Variants in USP35 observed in about 807,000 individuals in gnomAD.
USP35 encodes the protein ubiquitin carboxyl-terminal hydrolase 35.
A neutral mutation model predicts 83.8 loss-of-function variants in USP35; 69 were observed. That is an observed-to-expected ratio of 0.82 (90% CI 0.68 to 1.01). The LOEUF is 1.01. Ranked by LOEUF, USP35 falls within the 50% of genes least tolerant of loss-of-function variation. The pLI, the probability that USP35 is intolerant of heterozygous loss-of-function variation, is 0.00. For missense variants in USP35, 1,503 were observed against 1,362.5 expected (o/e 1.10, Z -1.62); for synonymous variants, 714 against 589.5 (o/e 1.21, Z -3.06).
chr11:78,228,202 T>G, the USP35 span, among the ~76,000 whole-genome samples: 1 of 151,998 alleles, frequency 6.6e-6, no homozygotes, highest in Admixed American at 6.6e-5. Context: ...TTCACAAGAG[T>G]GGTTTTCAAA....
chr11:78,199,295 C>T (rs936641037), intron 3 of USP35: 18 of 343,904 alleles, frequency 5.2e-5, no homozygotes, highest in Non-Finnish European at 8.8e-5. Context: ...CCCTTCCAGG[C>T]AGAAGCAGCT....
chr11:78,203,806 CT>C (rs970095926), intron 6 of USP35, among the ~76,000 whole-genome samples: 13 of 151,082 alleles, frequency 8.6e-5, no homozygotes, highest in African/African-American at 2.9e-4. Context: ...TCTCGATCTT[CT>C]GATCTTGTGA....
At chr11:78,203,135 A>AG (rs1282282403) in intron 6 of USP35, among the ~76,000 whole-genome samples, 44 of 152,134 alleles carry the variant, frequency 2.9e-4, no homozygotes, top group Non-Finnish European at 4.9e-4. Context: ...CAGTAGGGGC[A>AG]GGGAGTTAGG....
At chr11:78,207,504 C>A (rs756448695) in intron 7 of USP35, 26 bp from the exon 8 acceptor site, 1 of 1,612,374 alleles carries the variant, frequency 6.2e-7, no homozygotes, top group Non-Finnish European at 8.5e-7. Flanking sequence ...ATGGCTTACC[C>A]TGGGTGCCCC....
At chr11:78,225,115 G>A in the USP35 span, 2 of 1,610,248 alleles carry the variant, frequency 1.2e-6, no homozygotes, top group South Asian at 2.2e-5. Flanking sequence ...CACCAGGAAA[G>A]AGCCAACTCC....
At chr11:78,210,967 G>T (rs1275387998) in intron 10 of USP35, among the ~76,000 whole-genome samples, 3 of 152,050 alleles carry the variant, frequency 2.0e-5, no homozygotes, top group African/African-American at 7.2e-5. Context: ...TAAGTTCCAG[G>T]GTACATGTGT....
intron 6 of USP35, among the ~76,000 whole-genome samples, chr11:78,202,818 A>G (rs1180706376): frequency 6.6e-6 from 1 of 152,210 alleles, no homozygotes; most frequent in Admixed American, 6.5e-5. Flanking sequence ...AAAGGGAGGT[A>G]GGAGGAAAGC....
the USP35 span, chr11:78,221,731 G>C: frequency 1.2e-6 from 2 of 1,613,820 alleles, no homozygotes. Context: ...TGATGCTCTG[G>C]GTGGAGATGG....
chr11:78,196,339 C>G lies in USP35; in HGVS notation c.94C>G (p.Pro32Ala). 6 of 1,584,906 alleles carry G rather than the reference C, an allele frequency of 3.8e-6. No homozygotes were observed. The highest frequency in any genetic ancestry group is 5.1e-6 in the Non-Finnish European group (6 of 1,173,058). ...VRRVLEAARQ[P>A]LEREQCLALL... is the part of the protein sequence containing the mutation. ...GCGCGTGCTGGAGGCGGCGCGGCAGCCGCTGGAGCGTGAGCAGTGCCTGGC... is the reference window on the plus strand; with the variant it reads ...GCGCGTGCTGGAGGCGGCGCGGCAGGCGCTGGAGCGTGAGCAGTGCCTGGC... Residue 32 changes from proline (P) to alanine (A), a missense_variant, in exon 2 of 11, where the codon CCG (proline) becomes GCG (alanine). Coordinates refer to ENST00000529308, the MANE Select transcript of USP35 (RefSeq NM_020798.4). This position sits in a 1 kb window ranked among gnomAD's most constrained non-coding sequence, Gnocchi z 4.8.
the USP35 span, among the ~76,000 whole-genome samples, chr11:78,224,454 A>G: frequency 2.6e-5 from 4 of 152,014 alleles, no homozygotes; most frequent in African/African-American, 9.7e-5. Flanking sequence ...CCTGGGGCTC[A>G]CTCCAGGCAC....
At chr11:78,223,360 A>C in the USP35 span, 2 of 1,415,888 alleles carry the variant, frequency 1.4e-6, no homozygotes, top group Non-Finnish European at 1.9e-6. Context: ...AGCAAATGGA[A>C]AGAGTCCCTA....
the USP35 span, chr11:78,221,529 A>G: frequency 4.9e-5 from 22 of 452,986 alleles, no homozygotes; most frequent in African/African-American, 3.2e-4. Flanking sequence ...CAGGTGCTCA[A>G]GAAGGGTTTG....
chr11:78,207,676 C>T (rs891706953), intron 8 of USP35, 53 bp downstream of exon 8: 57 of 1,552,498 alleles, frequency 3.7e-5, no homozygotes, highest in Admixed American at 6.7e-5. Flanking sequence ...GGTCAGGCCC[C>T]GACATGGACA....
intron 3 of USP35, chr11:78,198,912 G>A (rs1863242650): frequency 6.4e-6 from 1 of 157,128 alleles, no homozygotes; most frequent in African/African-American, 2.4e-5. Flanking sequence ...ACTGTGCTGT[G>A]GGAGACGCCG....
downstream of USP35, among the ~76,000 whole-genome samples, chr11:78,219,679 C>A (rs1447803902): frequency 6.6e-6 from 1 of 152,186 alleles, no homozygotes. Context: ...GACCCAGGCC[C>A]TTCCTTGGCC....
At chr11:78,212,963 A>AGAG (rs2134422568) in intron 10 of USP35, among the ~76,000 whole-genome samples, 1 of 152,250 alleles carries the variant, frequency 6.6e-6, no homozygotes, top group Non-Finnish European at 1.5e-5. Context: ...GTGACTCCCT[A>AGAG]GAGTCAAGGG....
At chr11:78,219,206 G>A, downstream of USP35, 1 of 1,465,964 alleles carries the variant, frequency 6.8e-7, no homozygotes, top group Non-Finnish European at 9.5e-7. Context: ...CGGGAGAGGG[G>A]AGAGGGGAGA....
In USP35 at chr11:78,213,886, G is replaced by A. The variant is rs1863927405; in HGVS notation, c.*73G>A. 1.3e-6 allele frequency: 2 copies of A among 1,501,794 alleles called. No individual in the cohort carries two copies. Among genetic ancestry groups the A allele is most frequent in the Non-Finnish European group, 1.8e-6 (2 of 1,133,744 alleles). 93.0% of individuals were successfully genotyped at this position (1,501,794 alleles called of 1,614,324 possible). On this transcript the variant is annotated 3_prime_UTR_variant, in exon 11 of 11. Transcript: ENST00000529308. ...GGCCTGAGGGAAGCTGTGGAGGCAG[G>A]CCCTACCAAGAGGAAGGATGGTACA...
At chr11:78,220,980 C>T in the USP35 span, among the ~76,000 whole-genome samples, 1 of 152,230 alleles carries the variant, frequency 6.6e-6, no homozygotes, top group Admixed American at 6.5e-5. Flanking sequence ...GCTCCCCCGC[C>T]TAGCTCCTCC....
Sources: gnomAD v4.1 joint callset for allele counts (sites outside exome capture counted in the v4.1 genomes callset) on GRCh38, gnomAD v4.1.1 for gene constraint, Gnocchi (gnomAD v3.1) non-coding constraint, MANE v1.5 for transcripts, NCBI Gene and HGNC (gene_info 2026-07-23, HGNC 2026-07-21) for gene names.